The following SLC35F4 variants were observed in gnomAD, a reference collection of about 807,000 sequenced individuals.
SLC35F4 encodes chromosome 14 open reading frame 36.
Under a neutral mutation model 44.2 loss-of-function variants are expected in SLC35F4, and 24 were observed. The observed-to-expected ratio is 0.54, with a 90% CI of 0.39 to 0.76. The LOEUF is 0.76. Ranked by LOEUF, SLC35F4 falls within the 30% of genes least tolerant of loss-of-function variation. The pLI is 0.00. For missense variants in SLC35F4, 562 were observed against 586.1 expected (o/e 0.96, Z 0.42); for synonymous variants, 238 against 223.6 (o/e 1.06, Z -0.57).
chr14:57,929,609 T>C (rs969090553), intron 1 of SLC35F4, among the ~76,000 whole-genome samples: 2 of 152,184 alleles, frequency 1.3e-5, no homozygotes, highest in Admixed American at 6.5e-5. Flanking sequence ...GCAGACTTGA[T>C]GGACCCAACT....
chr14:57,624,720 T>G (rs1285587793), intron 1 of SLC35F4, among the ~76,000 whole-genome samples: 1 of 152,178 alleles, frequency 6.6e-6, no homozygotes, highest in African/African-American at 2.4e-5. Context: ...ATTATCTCAA[T>G]AGATGCAGAA....
chr14:57,696,568 A>G (rs1401705530), intron 1 of SLC35F4, among the ~76,000 whole-genome samples: 1 of 152,268 alleles, frequency 6.6e-6, no homozygotes, highest in Non-Finnish European at 1.5e-5. Context: ...ATTACTGGGC[A>G]TATACCCAAA....
chr14:57,593,183 C>A (rs576029694), intron 2 of SLC35F4, among the ~76,000 whole-genome samples: 4 of 152,230 alleles, frequency 2.6e-5, no homozygotes, highest in African/African-American at 9.6e-5. Context: ...GAAGTATGCT[C>A]GGTCATACAA....
At chr14:57,636,883 CTT>C (rs1203433657) in intron 1 of SLC35F4, among the ~76,000 whole-genome samples, 2 of 152,068 alleles carry the variant, frequency 1.3e-5, no homozygotes, top group African/African-American at 2.4e-5. Flanking sequence ...ACAGAGCCCT[CTT>C]TGTTATTTTT....
At chr14:57,844,276 C>T (rs1885781950) in intron 1 of SLC35F4, among the ~76,000 whole-genome samples, 2 of 152,164 alleles carry the variant, frequency 1.3e-5, no homozygotes, top group South Asian at 4.1e-4. Flanking sequence ...TGGAATGAAG[C>T]ATCAGGGCAA....
Position 57,593,886 on chromosome 14 carries a change from A to T in SLC35F4, c.289+53T>A. 7 of 1,578,926 alleles carry T rather than the reference A, an allele frequency of 4.4e-6. No individual in the cohort carries two copies. In the East Asian group the frequency reaches 9.0e-5, roughly 20 times the overall value. On this transcript the variant is annotated intron_variant, in intron 2 of 7. Coordinates refer to ENST00000556826, the MANE Select transcript of SLC35F4 (RefSeq NM_001306087.2). ...TCTGTGACAATGGCGAGATCTTTCT[A>T]TTTAGAAGCTTACTAGGATGTACCG... is the stretch of plus-strand genomic sequence containing the variant.
rs1262877830 is a variant in SLC35F4 at position 57,866,004 on chromosome 14, G to GGCGGCT, written c.-180_-179insAGCCGC. ...TCCGCATCACAGCGGCGGCGGCGGCGGCGGCGGCGGAGCGGCCCCCACTCG... is the reference window on the plus strand; with the variant it reads ...TCCGCATCACAGCGGCGGCGGCGGCGGCGGCTGCGGCGGCGGAGCGGCCCCCACTCG... On this transcript the variant is annotated 5_prime_UTR_variant, in exon 1 of 8. Transcript: ENST00000556826. The GGCGGCT allele has an allele frequency of 5.6e-6, 2 of 359,224 alleles. No individual in the cohort carries two copies. The highest frequency in any genetic ancestry group is 5.0e-5 in the East Asian group (1 of 20,126). 22.3% of individuals were successfully genotyped at this position (359,224 alleles called of 1,614,324 possible). A position where few individuals can be genotyped will look rare whatever the true frequency, so the allele number is the denominator to read the frequency against.
At chr14:57,608,538 C>T (rs1226591264) in intron 1 of SLC35F4, among the ~76,000 whole-genome samples, 1 of 152,032 alleles carries the variant, frequency 6.6e-6, no homozygotes, top group Admixed American at 6.6e-5. Context: ...AGAAAGCAAC[C>T]CTGTGGATAC....
downstream of SLC35F4, among the ~76,000 whole-genome samples, chr14:57,972,895 A>G (rs972522807): frequency 6.6e-6 from 1 of 152,258 alleles, no homozygotes; most frequent in African/African-American, 2.4e-5. Context: ...TGACATGGAC[A>G]TGGAATACAA....
chr14:57,762,434 C>T (rs1374483057), intron 1 of SLC35F4, among the ~76,000 whole-genome samples: 3 of 152,074 alleles, frequency 2.0e-5, no homozygotes, highest in African/African-American at 7.2e-5. Flanking sequence ...GGAATTTTAC[C>T]TTTATTCACC....
upstream of SLC35F4, among the ~76,000 whole-genome samples, chr14:57,867,283 T>C (rs1283489770): frequency 2.6e-5 from 4 of 152,258 alleles, no homozygotes; most frequent in East Asian, 7.7e-4. Context: ...GGAAGAAATA[T>C]GCAAATTTTT....
At chr14:57,800,039 A>G (rs1351135261) in intron 1 of SLC35F4, among the ~76,000 whole-genome samples, 6 of 152,106 alleles carry the variant, frequency 3.9e-5, no homozygotes, top group Admixed American at 3.9e-4. Flanking sequence ...CCGGACCCCA[A>G]TCCCATTCCT....
chr14:57,588,459 A>G (rs1378136786), intron 3 of SLC35F4, among the ~76,000 whole-genome samples: 1 of 151,970 alleles, frequency 6.6e-6, no homozygotes, highest in East Asian at 1.9e-4. Context: ...AGGTACTTGG[A>G]CCCAAATGCT....
intron 1 of SLC35F4, among the ~76,000 whole-genome samples, chr14:57,642,674 A>G (rs1246648738): frequency 1.3e-5 from 2 of 152,066 alleles, no homozygotes; most frequent in South Asian, 4.1e-4. Flanking sequence ...TCTAAAATGT[A>G]TAATTTTTGT....
intron 1 of SLC35F4, among the ~76,000 whole-genome samples, chr14:57,924,716 G>A (rs1889517323): frequency 6.6e-6 from 1 of 151,822 alleles, no homozygotes; most frequent in South Asian, 2.1e-4. Flanking sequence ...CAAAGTGCTG[G>A]GATTACAGGT....
intron 1 of SLC35F4, among the ~76,000 whole-genome samples, chr14:57,790,087 G>C (rs1279195377): frequency 6.6e-6 from 1 of 152,170 alleles, no homozygotes; most frequent in Non-Finnish European, 1.5e-5. Flanking sequence ...AGTGGCATAA[G>C]ACAAGGATGC....
At chr14:57,697,109 G>A (rs2075406347) in intron 1 of SLC35F4, among the ~76,000 whole-genome samples, 1 of 152,074 alleles carries the variant, frequency 6.6e-6, no homozygotes, top group African/African-American at 2.4e-5. Context: ...ATTTTATTAT[G>A]TAAATTGCTC....
At chr14:57,834,111 C>T (rs8013352) in intron 1 of SLC35F4, among the ~76,000 whole-genome samples, 62,315 of 151,928 alleles carry the variant, frequency 0.41, 15,466 homozygotes, top group African/African-American at 0.68. Flanking sequence ...GAGAGCAACC[C>T]GACATTTCAA....
At chr14:57,868,408 T>C (rs769357576), upstream of SLC35F4, among the ~76,000 whole-genome samples, 11 of 152,236 alleles carry the variant, frequency 7.2e-5, no homozygotes, top group Non-Finnish European at 1.6e-4. Flanking sequence ...TGATAAAAGA[T>C]GTTTTAATCT....
Sources: gnomAD v4.1 joint callset for allele counts (sites outside exome capture counted in the v4.1 genomes callset) on GRCh38, gnomAD v4.1.1 for gene constraint, MANE v1.5 for transcripts, NCBI Gene and HGNC (gene_info 2026-07-23, HGNC 2026-07-21) for gene names.